The following DPYD variants were observed in gnomAD, a reference collection of about 807,000 sequenced individuals.
DPYD encodes the protein dihydropyrimidine dehydrogenase.
In DPYD, 109 loss-of-function variants were observed where a neutral mutation model predicts 116.2. The observed-to-expected ratio is 0.94, with a 90% confidence interval of 0.80 to 1.10. The LOEUF (loss-of-function observed/expected upper bound fraction) is 1.10. Ranked by LOEUF, DPYD falls within the 50% of genes least tolerant of loss-of-function variation. The pLI is 0.00. For missense variants in DPYD, 1,302 were observed against 1,254.5 expected (o/e 1.04, Z -0.57); for synonymous variants, 440 against 432.0 (o/e 1.02, Z -0.23).
At chr1:97,532,784 A>G (rs2102028937) in intron 12 of DPYD, among the ~76,000 whole-genome samples, 1 of 151,546 alleles carries the variant, frequency 6.6e-6, no homozygotes, top group Non-Finnish European at 1.5e-5. Flanking sequence ...CAAATTGTCA[A>G]TTTTATCTTT....
chr1:97,420,709 CA>C (rs957679314), intron 14 of DPYD, among the ~76,000 whole-genome samples: 31 of 152,230 alleles, frequency 2.0e-4, no homozygotes, highest in African/African-American at 7.0e-4. Context: ...AGTACAGAGC[CA>C]TTTGTAGTTC....
chr1:97,468,698 G>C (rs76692391), intron 13 of DPYD, among the ~76,000 whole-genome samples: 4,179 of 152,244 alleles, frequency 0.027, 95 homozygotes, highest in Non-Finnish European at 0.036. Flanking sequence ...GTGGGAGGCT[G>C]GATTTGACCC....
intron 2 of DPYD, among the ~76,000 whole-genome samples, chr1:97,862,423 T>C (rs1254159729): frequency 6.6e-6 from 1 of 151,692 alleles, no homozygotes; most frequent in Non-Finnish European, 1.5e-5. Flanking sequence ...AAAAAATATA[T>C]TAAATAAGCA....
chr1:97,494,967 G>C (rs1030380778), intron 13 of DPYD, among the ~76,000 whole-genome samples: 1 of 152,104 alleles, frequency 6.6e-6, no homozygotes, highest in African/African-American at 2.4e-5. Context: ...ACTGTGCATG[G>C]CACCCTCAGG....
At chr1:97,893,844 A>G (rs1450043798) in intron 1 of DPYD, among the ~76,000 whole-genome samples, 1 of 151,742 alleles carries the variant, frequency 6.6e-6, no homozygotes, top group Non-Finnish European at 1.5e-5. Flanking sequence ...TACACACCAC[A>G]CAACAGGTGC....
intron 14 of DPYD, among the ~76,000 whole-genome samples, chr1:97,383,924 A>G (rs1369536963): frequency 6.6e-6 from 1 of 152,172 alleles, no homozygotes; most frequent in African/African-American, 2.4e-5. Context: ...CCTGGGAAAC[A>G]GAGCAATACC....
intron 13 of DPYD, among the ~76,000 whole-genome samples, chr1:97,482,439 A>T (rs1354518010): frequency 6.6e-6 from 1 of 152,206 alleles, no homozygotes; most frequent in East Asian, 1.9e-4. Context: ...AAGAATGAAG[A>T]ACTTGAAGGA....
chr1:97,444,356 C>A (rs1217348424), intron 14 of DPYD, among the ~76,000 whole-genome samples: 4 of 152,046 alleles, frequency 2.6e-5, no homozygotes, highest in Non-Finnish European at 4.4e-5. Context: ...ACAGTCAATG[C>A]AATATCTCTA....
At chr1:97,879,285 G>A (rs1672070028) in intron 2 of DPYD, among the ~76,000 whole-genome samples, 1 of 151,136 alleles carries the variant, frequency 6.6e-6, no homozygotes, top group Admixed American at 6.6e-5. Context: ...TTTTTTTTAT[G>A]GTGAGCACCT....
rs140602333 is a variant in DPYD at position 97,573,919 on chromosome 1, G to C, written c.1180C>G (p.Arg394Gly). 1.2e-6 allele frequency: 2 copies of C among 1,613,618 alleles called. No individual in the cohort carries two copies. The highest frequency in any genetic ancestry group is 2.2e-5 in the South Asian group (2 of 91,074). Residue 394 changes from arginine (R) to glycine (G), a missense_variant, in exon 11 of 23, where the codon CGG becomes GGG. Transcript: ENST00000370192. ...CTCCCACCTTTTACTATAACCTTCC[G>C]TGGGGACAGGAATGGCAGAAATTCA... ...KCEFLPFLSP[R>G]KVIVKGGRIV... is the part of the protein sequence containing the mutation.
At chr1:97,187,923 T>C (rs1436269576) in intron 20 of DPYD, among the ~76,000 whole-genome samples, 2 of 152,176 alleles carry the variant, frequency 1.3e-5, no homozygotes, top group Non-Finnish European at 2.9e-5. Flanking sequence ...TCTGTTCCAT[T>C]GATCCATGTG....
intron 18 of DPYD, among the ~76,000 whole-genome samples, chr1:97,273,088 T>A (rs1257286867): frequency 1.3e-5 from 2 of 152,274 alleles, no homozygotes; most frequent in East Asian, 3.9e-4. Context: ...AAATGTGGGA[T>A]GTTTCCTTTC....
At chr1:97,663,091 TA>T (rs555990123) in intron 8 of DPYD, among the ~76,000 whole-genome samples, 103 of 152,308 alleles carry the variant, frequency 6.8e-4, no homozygotes, top group African/African-American at 2.3e-3. Flanking sequence ...AGATTCATAC[TA>T]GCAAATAGCG....
intron 20 of DPYD, among the ~76,000 whole-genome samples, chr1:97,184,894 C>T (rs545891017): frequency 1.4e-4 from 21 of 152,014 alleles, no homozygotes; most frequent in South Asian, 4.2e-4. Context: ...GACCTTATTG[C>T]GCTGGTTAGG....
intron 18 of DPYD, among the ~76,000 whole-genome samples, chr1:97,279,452 C>G (rs570279783): frequency 6.6e-6 from 1 of 152,110 alleles, no homozygotes; most frequent in Non-Finnish European, 1.5e-5. Flanking sequence ...TCCATCACAA[C>G]CCTGTGCAAT....
chr1:97,660,742 G>T (rs1486643985), intron 8 of DPYD, among the ~76,000 whole-genome samples: 1 of 152,106 alleles, frequency 6.6e-6, no homozygotes, highest in Non-Finnish European at 1.5e-5. Context: ...TCACTTGGCT[G>T]ACATGTTCCA....
intron 13 of DPYD, among the ~76,000 whole-genome samples, chr1:97,513,463 G>A (rs941776575): frequency 4.0e-5 from 6 of 151,566 alleles, no homozygotes; most frequent in Admixed American, 3.3e-4. Context: ...CATCAAAATT[G>A]TATTGTGAAA....
intron 20 of DPYD, among the ~76,000 whole-genome samples, chr1:97,157,803 C>T (rs1655584221): frequency 6.6e-6 from 1 of 152,022 alleles, no homozygotes; most frequent in Non-Finnish European, 1.5e-5. Flanking sequence ...ATAAGCTCTC[C>T]TTTACTTTTG....
chr1:97,428,868 T>C (rs1359647982), intron 14 of DPYD, among the ~76,000 whole-genome samples: 1 of 152,030 alleles, frequency 6.6e-6, no homozygotes, highest in Non-Finnish European at 1.5e-5. Context: ...TGATTATGAT[T>C]AAACTGTAGT....
Sources: allele counts gnomAD v4.1 joint callset (sites outside exome capture counted in the v4.1 genomes callset), GRCh38; gene constraint gnomAD v4.1.1; transcripts MANE v1.5; gene names NCBI Gene and HGNC (gene_info 2026-07-23, HGNC 2026-07-21).